The following SPIDR variants were observed in gnomAD, a reference collection of about 807,000 sequenced individuals.
SPIDR encodes DNA repair-scaffolding protein.
Under a neutral mutation model 104.6 loss-of-function variants are expected in SPIDR, and 93 were observed. That is an observed-to-expected ratio of 0.89 (90% CI 0.75 to 1.06). The LOEUF is 1.06. Among genes scored for constraint, SPIDR ranks in the 50% least tolerant of loss-of-function variants. SPIDR has a pLI of 0.00. For missense variants in SPIDR, 1,154 were observed against 1,111.2 expected (o/e 1.04, Z -0.55); for synonymous variants, 431 against 416.9 (o/e 1.03, Z -0.41).
At chr8:47,601,483 C>T (rs1203379145) in intron 10 of SPIDR, among the ~76,000 whole-genome samples, 1 of 152,112 alleles carries the variant, frequency 6.6e-6, no homozygotes, top group East Asian at 1.9e-4. Context: ...ATCTCGAGGT[C>T]AGGGGATCGA....
intron 5 of SPIDR, among the ~76,000 whole-genome samples, chr8:47,302,823 G>T (rs2042381399): frequency 6.6e-6 from 1 of 152,192 alleles, no homozygotes; most frequent in South Asian, 2.1e-4. Flanking sequence ...TCTCAGAGGA[G>T]TACCTGGCCA....
Position 47,291,048 on chromosome 8 carries a change from A to C in SPIDR, c.272A>C (p.Lys91Thr). The C allele has an allele frequency of 6.2e-7, 1 of 1,611,086 alleles. No individual in the cohort carries two copies. Among genetic ancestry groups the C allele is most frequent in the Non-Finnish European group, 8.5e-7 (1 of 1,178,100 alleles). Residue 91 changes from lysine to threonine, a missense_variant, in exon 4 of 20, where the codon AAA becomes ACA. By Grantham distance (78) the Lys-to-Thr change is moderately conservative. Coordinates refer to ENST00000297423, the MANE Select transcript of SPIDR (RefSeq NM_001080394.4). Reference sequence around the variant, plus strand: ...CCTTCAACAGAAACCACCACATCTAAAAGCACCAGTGGGCTTACAGACATA... The same window carrying C: ...CCTTCAACAGAAACCACCACATCTACAAGCACCAGTGGGCTTACAGACATA... ...PRPKQETTTS[K>T]STSGLTDITW...
intron 5 of SPIDR, among the ~76,000 whole-genome samples, chr8:47,355,664 G>A (rs190983209): frequency 1.2e-4 from 18 of 152,246 alleles, no homozygotes; most frequent in African/African-American, 4.3e-4. Context: ...TTCTGCATGG[G>A]TTACATTGGC....
intron 8 of SPIDR, among the ~76,000 whole-genome samples, chr8:47,557,111 G>T (rs755670032): frequency 1.3e-5 from 2 of 152,066 alleles, no homozygotes; most frequent in Non-Finnish European, 2.9e-5. Flanking sequence ...TTATACTAAT[G>T]CATTATAACA....
At chr8:47,469,723 G>A (rs1189736380) in intron 8 of SPIDR, among the ~76,000 whole-genome samples, 1 of 152,056 alleles carries the variant, frequency 6.6e-6, no homozygotes, top group Non-Finnish European at 1.5e-5. Context: ...CCTACTGGAG[G>A]GTGGGCGGAA....
At chr8:47,651,772 T>TA (rs896259011) in intron 10 of SPIDR, among the ~76,000 whole-genome samples, 14 of 151,922 alleles carry the variant, frequency 9.2e-5, no homozygotes, top group South Asian at 2.1e-4. Context: ...TTCTCAGCCA[T>TA]AAAAAAAAGA....
intron 10 of SPIDR, among the ~76,000 whole-genome samples, chr8:47,604,908 T>A (rs1163419392): frequency 6.6e-6 from 1 of 152,196 alleles, no homozygotes; most frequent in Non-Finnish European, 1.5e-5. Context: ...TCTCAGCCTA[T>A]GTCTGGTCAG....
intron 5 of SPIDR, among the ~76,000 whole-genome samples, chr8:47,335,311 A>G (rs186514497): frequency 2.0e-4 from 31 of 152,326 alleles, no homozygotes; most frequent in Non-Finnish European, 3.5e-4. Context: ...TTTGGCAACA[A>G]AGTGACTCAA....
At chr8:47,621,030 C>T (rs1469863418) in intron 10 of SPIDR, among the ~76,000 whole-genome samples, 1 of 151,506 alleles carries the variant, frequency 6.6e-6, no homozygotes, top group African/African-American at 2.4e-5. Context: ...AATCTCAGCT[C>T]ACTGCAGTCT....
At chr8:47,434,377 A>C (rs868959490) in intron 7 of SPIDR, among the ~76,000 whole-genome samples, 6 of 152,146 alleles carry the variant, frequency 3.9e-5, no homozygotes, top group Admixed American at 3.3e-4. Context: ...CACTTGATGA[A>C]TTGACCTGAA....
At chr8:47,567,226 TA>T (rs201976348) in intron 8 of SPIDR, among the ~76,000 whole-genome samples, 34 of 130,274 alleles carry the variant, frequency 2.6e-4, no homozygotes, top group African/African-American at 5.9e-4. Context: ...TATATATATA[TA>T]TTTTTTTTCT....
intron 1 of SPIDR, among the ~76,000 whole-genome samples, chr8:47,263,518 A>T (rs2033098063): frequency 6.6e-6 from 1 of 151,984 alleles, no homozygotes; most frequent in Non-Finnish European, 1.5e-5. Context: ...ACAGGGTTTC[A>T]CCGTGTTAGC....
chr8:47,507,467 A>G (rs564907920), intron 8 of SPIDR, among the ~76,000 whole-genome samples: 3 of 152,314 alleles, frequency 2.0e-5, no homozygotes, highest in East Asian at 3.9e-4. Flanking sequence ...TCAGCTGCTC[A>G]TATCGTGTTG....
intron 10 of SPIDR, among the ~76,000 whole-genome samples, chr8:47,639,007 G>T (rs1430186846): frequency 6.6e-6 from 1 of 152,226 alleles, no homozygotes; most frequent in Non-Finnish European, 1.5e-5. Flanking sequence ...TTGAAAGAAT[G>T]TGCATTCTCA....
chr8:47,624,393 G>C (rs574690126), intron 10 of SPIDR, among the ~76,000 whole-genome samples: 16 of 152,296 alleles, frequency 1.1e-4, no homozygotes, highest in Non-Finnish European at 4.4e-5. Context: ...GATCAGAGCA[G>C]AACTGAAGAA....
At chr8:47,577,533 T>G (rs1454540231) in intron 8 of SPIDR, among the ~76,000 whole-genome samples, 1 of 152,208 alleles carries the variant, frequency 6.6e-6, no homozygotes, top group Non-Finnish European at 1.5e-5. Flanking sequence ...CCCACCGTAT[T>G]GGTGGGTTCT....
rs1326277785 is a variant in SPIDR, at chr8:47,682,907, T to C, written c.1685+8966T>C. On this transcript the variant is annotated intron_variant, in intron 11 of 19. Coordinates refer to ENST00000297423, the MANE Select transcript of SPIDR (RefSeq NM_001080394.4). The stretch of plus-strand genomic sequence containing the variant: ...ATCCTTAAGATAAGAAACCTGATTT[T>C]ATATCTACTGTATGTAATCTACTTT... 2.0e-5 allele frequency among the ~76,000 whole-genome samples: 3 copies of C among 152,244 alleles called. No individual in the cohort carries two copies. In the East Asian group the frequency reaches 5.8e-4, roughly 29 times the overall value.
At chr8:47,606,173 T>A (rs1326099540) in intron 10 of SPIDR, among the ~76,000 whole-genome samples, 4 of 152,118 alleles carry the variant, frequency 2.6e-5, no homozygotes, top group Non-Finnish European at 2.9e-5. Flanking sequence ...GGGCCAGTGT[T>A]GAATGGTGCT....
intron 8 of SPIDR, among the ~76,000 whole-genome samples, chr8:47,588,665 T>G (rs1411821331): frequency 6.6e-6 from 1 of 152,218 alleles, no homozygotes; most frequent in Non-Finnish European, 1.5e-5. Flanking sequence ...GTGGCAAGCA[T>G]CTACTCTTTC....
Sources: gnomAD v4.1 joint callset for allele counts (sites outside exome capture counted in the v4.1 genomes callset) on GRCh38, gnomAD v4.1.1 for gene constraint, MANE v1.5 for transcripts, NCBI Gene and HGNC (gene_info 2026-07-23, HGNC 2026-07-21) for gene names.